The following CLCC1 variants were observed in gnomAD, a reference collection of about 807,000 sequenced individuals.
CLCC1 encodes the protein chloride channel CLIC-like protein 1.
CLCC1 carries 39 observed loss-of-function variants against 63.3 expected under a neutral mutation model. The ratio of observed to expected loss-of-function variants is 0.62; its 90% CI spans 0.48 to 0.81. The LOEUF (loss-of-function observed/expected upper bound fraction) is 0.81, where lower values mean the gene tolerates loss of function less well. CLCC1 is among the 30% of genes least tolerant of loss of function. The probability of loss-of-function intolerance (pLI) is 0.00; values close to 1 mark genes in which losing one functional copy is unlikely to be tolerated. For missense variants in CLCC1, 549 were observed against 669.4 expected, an observed-to-expected ratio of 0.82 and a Z score of 1.98; for synonymous variants, 217 against 239.8, an observed-to-expected ratio of 0.90 and a Z score of 0.88.
chr1:108,949,752 CAG>C, intron 4 of CLCC1, 66 bp downstream of exon 4: 2 of 794,856 alleles, frequency 2.5e-6, no homozygotes, highest in South Asian at 2.2e-5. Context: ...AATTTATCAG[CAG>C]AGACAAGAAT....
chr1:108,956,505 CAAA>C (rs926845493), intron 2 of CLCC1, among the ~76,000 whole-genome samples: 2 of 150,488 alleles, frequency 1.3e-5, no homozygotes, highest in Non-Finnish European at 2.9e-5. Flanking sequence ...ACTAAAAATA[CAAA>C]AAATTAGCCG....
intron 4 of CLCC1, 108 bp downstream of exon 4, chr1:108,949,712 C>T (rs1278200141): frequency 1.7e-6 from 1 of 571,802 alleles, no homozygotes; most frequent in African/African-American, 2.0e-5. Context: ...ATATAAAAAT[C>T]ATACGGTACA....
rs1219600847 is a variant in CLCC1 at position 108,941,557 on chromosome 1, C to T, written c.703-59G>A. 3 of 1,226,782 alleles carry T rather than the reference C, an allele frequency of 2.4e-6. No individual in the cohort carries two copies. In the African/African-American group the frequency reaches 4.5e-5, roughly 18 times the overall value. 76.0% of individuals were successfully genotyped at this position (1,226,782 alleles called of 1,614,324 possible). On this transcript the variant is annotated intron_variant, in intron 7 of 12. Transcript: ENST00000369969. Reference sequence around the variant, plus strand: ...GTTACCTATGAAGGTTAGGCCTACACATCCAAAAGACCTTCATTCAAAGAG... The same window carrying T: ...GTTACCTATGAAGGTTAGGCCTACATATCCAAAAGACCTTCATTCAAAGAG...
chr1:108,940,568 G>A (rs1342226244), intron 8 of CLCC1, among the ~76,000 whole-genome samples: 2 of 152,082 alleles, frequency 1.3e-5, no homozygotes, highest in South Asian at 2.1e-4. Flanking sequence ...AAGGGTACAC[G>A]GGCTCTCTCT....
chr1:108,957,140 G>A (rs937092500), intron 2 of CLCC1, among the ~76,000 whole-genome samples: 3 of 151,456 alleles, frequency 2.0e-5, no homozygotes, highest in Admixed American at 1.3e-4. Flanking sequence ...CAAAGGTGAT[G>A]ACAAATGGTC....
In CLCC1 at chr1:108,929,706, C is replaced by T. The variant is rs1285332447; in HGVS notation, c.*2841G>A. 1 of 1,612,930 alleles carries T rather than the reference C, an allele frequency of 6.2e-7. No homozygotes were observed. Among genetic ancestry groups the T allele is most frequent in the Non-Finnish European group, 8.5e-7 (1 of 1,179,190 alleles). On this transcript the variant is annotated 3_prime_UTR_variant, in exon 13 of 13. Coordinates refer to ENST00000369969, the MANE Select transcript of CLCC1 (RefSeq NM_001377458.1). Reference sequence around the variant, plus strand: ...TCTCTCTCATAAACTTCTAGGGATCCAGATTAGATGATCAAAGATGTGCTC... The same window carrying T: ...TCTCTCTCATAAACTTCTAGGGATCTAGATTAGATGATCAAAGATGTGCTC...
intron 7 of CLCC1, 61 bp from the exon 8 acceptor site, chr1:108,941,559 T>C (rs947409581): frequency 1.6e-4 from 190 of 1,196,988 alleles, no homozygotes; most frequent in Non-Finnish European, 2.2e-4. Context: ...GGCCTACACA[T>C]CCAAAAGACC....
At chr1:108,950,698 A>G (rs1655079771) in intron 2 of CLCC1, among the ~76,000 whole-genome samples, 1 of 151,394 alleles carries the variant, frequency 6.6e-6, no homozygotes, top group African/African-American at 2.4e-5. Context: ...AATTTTTAGT[A>G]GAGACAGGGT....
intron 2 of CLCC1, among the ~76,000 whole-genome samples, chr1:108,957,435 C>T (rs537806596): frequency 2.6e-5 from 4 of 151,568 alleles, no homozygotes; most frequent in South Asian, 2.1e-4. Context: ...TATGCAGGCA[C>T]CTGGGCCCCT....
rs559015681 is a variant in CLCC1, at chr1:108,950,563, C to T, written c.-11-115G>A. 5.7e-5 allele frequency: 30 copies of T among 525,862 alleles called. No individual in the cohort carries two copies. The Admixed American group carries it at 1.1e-3, about 19-fold the overall frequency. The allele number at this position is 525,862 out of a possible 1,614,324, so 32.6% of individuals were successfully genotyped here. ...TAGAGACAGGGTCTTGCTCTATTGC[C>T]CAGGCTGGAGTACAGTGATACAATC... On this transcript the variant is annotated intron_variant, in intron 2 of 12. Transcript: ENST00000369969.
At chr1:108,943,668 A>G (rs1415568016) in intron 6 of CLCC1, 53 bp from the exon 7 acceptor site, 1 of 1,601,396 alleles carries the variant, frequency 6.2e-7, no homozygotes, top group Non-Finnish European at 8.5e-7. Context: ...AAGACAGCTA[A>G]AAAGAACTGG....
Position 108,931,316 on chromosome 1 carries a change from T to C in CLCC1, c.*1231A>G, listed in dbSNP as rs72984640. On this transcript the variant is annotated 3_prime_UTR_variant, in exon 13 of 13. Coordinates refer to ENST00000369969, the MANE Select transcript of CLCC1 (RefSeq NM_001377458.1). ...AGCTTTGTCTTCCTTATCCCAGATATTGAAGGCAGTTTACAAGGGGATGAT... is the reference window on the plus strand; with the variant it reads ...AGCTTTGTCTTCCTTATCCCAGATACTGAAGGCAGTTTACAAGGGGATGAT... 918 of 1,546,996 alleles carry C rather than the reference T, an allele frequency of 5.9e-4. 8 individuals are homozygous for C. In the African/African-American group the frequency reaches 0.011, roughly 19 times the overall value.
chr1:108,963,417 A>G lies in CLCC1; in HGVS notation c.-229T>C. 1 of 702,472 alleles carries G rather than the reference A, an allele frequency of 1.4e-6. No homozygotes were observed. Among genetic ancestry groups the G allele is most frequent in the Non-Finnish European group, 2.6e-6 (1 of 384,908 alleles). The allele number at this position is 702,472 out of a possible 1,614,324, so 43.5% of individuals were successfully genotyped here. On this transcript the variant is annotated 5_prime_UTR_variant, in exon 1 of 13. Coordinates refer to ENST00000369969, the MANE Select transcript of CLCC1 (RefSeq NM_001377458.1). ...GACACCTGCCCAGGCCGGCCGCAGA[A>G]GAGGTCGCACAGCTTGCCGCCGCCC...
intron 2 of CLCC1, among the ~76,000 whole-genome samples, chr1:108,954,817 CGTGTGTGTGTGTGTGT>C (rs58482013): frequency 2.8e-5 from 4 of 140,602 alleles, no homozygotes; most frequent in African/African-American, 5.6e-5. Context: ...ACTGTCTTTG[CGTGTGTGTGTGTGTGT>C]GTGTGTGTGT....
Position 108,931,725 on chromosome 1 carries a change from G to A in CLCC1, c.*822C>T. ...TCCTGGATAGCATTTTAAAAACTCA[G>A]GTAAGTTTCATGGGGTTCTTATAAG... On this transcript the variant is annotated 3_prime_UTR_variant, in exon 13 of 13. Coordinates refer to ENST00000369969, the MANE Select transcript of CLCC1 (RefSeq NM_001377458.1). 2.5e-6 allele frequency: 1 copy of A among 392,394 alleles called. No individual in the cohort carries two copies. The highest frequency in any genetic ancestry group is 2.1e-5 in the African/African-American group (1 of 47,686). 24.3% of individuals were successfully genotyped at this position (392,394 alleles called of 1,614,324 possible). A position where few individuals can be genotyped will look rare whatever the true frequency, so the allele number is the denominator to read the frequency against.
At chr1:108,960,294 G>A (rs979214808) in intron 2 of CLCC1, among the ~76,000 whole-genome samples, 1 of 152,206 alleles carries the variant, frequency 6.6e-6, no homozygotes, top group Non-Finnish European at 1.5e-5. Flanking sequence ...GAGAGTGAAG[G>A]CTAATCAGGG....
chr1:108,947,583 G>A, intron 5 of CLCC1, 28 bp downstream of exon 5: 1 of 1,270,868 alleles, frequency 7.9e-7, no homozygotes, highest in South Asian at 1.3e-5. Flanking sequence ...ACACTATACG[G>A]ATTAGTATCA....
chr1:108,948,826 A>AT (rs957701692), intron 4 of CLCC1, among the ~76,000 whole-genome samples: 14 of 151,662 alleles, frequency 9.2e-5, no homozygotes, highest in South Asian at 2.1e-4. Flanking sequence ...AAGTGAAGCA[A>AT]TTTTTTTTTC....
intron 2 of CLCC1, among the ~76,000 whole-genome samples, chr1:108,955,788 G>A (rs1655810474): frequency 1.3e-5 from 2 of 151,568 alleles, no homozygotes; most frequent in Admixed American, 1.3e-4. Flanking sequence ...CCTGTCACTG[G>A]ACATCAGAAC....
Sources: allele counts gnomAD v4.1 joint callset (sites outside exome capture counted in the v4.1 genomes callset), GRCh38; gene constraint gnomAD v4.1.1; transcripts MANE v1.5; gene names NCBI Gene and HGNC (gene_info 2026-07-23, HGNC 2026-07-21).